Variants in NKAIN2 observed in about 807,000 individuals in gnomAD.
NKAIN2 encodes the protein sodium/potassium-transporting ATPase subunit beta-1-interacting protein 2.
A neutral mutation model predicts 32.6 loss-of-function variants in NKAIN2; 14 were observed. That is an observed-to-expected ratio of 0.43 (90% CI 0.28 to 0.67). NKAIN2 has a LOEUF of 0.67. Among genes scored for constraint, NKAIN2 ranks in the 30% least tolerant of loss-of-function variants. The probability of loss-of-function intolerance (pLI) is 0.17; values close to 1 mark genes in which losing one functional copy is unlikely to be tolerated. For synonymous variants in NKAIN2, 80 were observed against 87.2 expected (o/e 0.92, Z 0.46); for missense variants, 198 against 258.3 (o/e 0.77, Z 1.60).
At chr6:124,261,267 T>C (rs1388031214) in intron 1 of NKAIN2, among the ~76,000 whole-genome samples, 1 of 152,170 alleles carries the variant, frequency 6.6e-6, no homozygotes, top group East Asian at 1.9e-4. Flanking sequence ...TCTTTTTTAC[T>C]CTCTTTCTTT....
At chr6:124,175,468 C>T (rs946207953) in intron 1 of NKAIN2, among the ~76,000 whole-genome samples, 8 of 152,106 alleles carry the variant, frequency 5.3e-5, no homozygotes, top group Admixed American at 3.3e-4. Context: ...AAAGTTAAAA[C>T]AAGGGCTTAA....
chr6:124,427,448 G>A (rs954243544), intron 3 of NKAIN2, among the ~76,000 whole-genome samples: 21 of 152,036 alleles, frequency 1.4e-4, no homozygotes, highest in East Asian at 3.9e-4. Context: ...AACTTAAATG[G>A]TATACTTTAA....
At chr6:124,552,557 T>C (rs1780329758) in intron 3 of NKAIN2, among the ~76,000 whole-genome samples, 1 of 152,180 alleles carries the variant, frequency 6.6e-6, no homozygotes, top group Non-Finnish European at 1.5e-5. Flanking sequence ...TATTCTCTTA[T>C]ATAAAGGAAT....
intron 1 of NKAIN2, among the ~76,000 whole-genome samples, chr6:124,043,442 C>G (rs1355407597): frequency 6.6e-6 from 1 of 151,978 alleles, no homozygotes; most frequent in African/African-American, 2.4e-5. Context: ...AAGTCCTACC[C>G]TATATGACAG....
At chr6:124,803,526 T>G (rs1196051345) in intron 5 of NKAIN2, among the ~76,000 whole-genome samples, 1 of 152,246 alleles carries the variant, frequency 6.6e-6, no homozygotes, top group Non-Finnish European at 1.5e-5. Flanking sequence ...CCAAAAGGAT[T>G]TGAAATATGG....
At chr6:124,328,456 G>A (rs1402124634) in intron 2 of NKAIN2, among the ~76,000 whole-genome samples, 2 of 152,032 alleles carry the variant, frequency 1.3e-5, no homozygotes, top group Non-Finnish European at 2.9e-5. Flanking sequence ...GAAATTCAGG[G>A]GTCTTTCTCT....
chr6:124,671,823 C>G (rs971661926), intron 4 of NKAIN2, among the ~76,000 whole-genome samples: 5 of 151,774 alleles, frequency 3.3e-5, no homozygotes, highest in Admixed American at 6.6e-5. Flanking sequence ...CCAAAATCAC[C>G]ATTTCATTTT....
At chr6:124,486,546 A>G (rs1382079794) in intron 3 of NKAIN2, among the ~76,000 whole-genome samples, 1 of 152,186 alleles carries the variant, frequency 6.6e-6, no homozygotes, top group African/African-American at 2.4e-5. Context: ...AAGCCAGGCA[A>G]TACAATGATA....
chr6:124,625,738 C>T (rs1479997303), intron 3 of NKAIN2, among the ~76,000 whole-genome samples: 1 of 151,108 alleles, frequency 6.6e-6, no homozygotes, highest in Non-Finnish European at 1.5e-5. Context: ...ATTTTTTGGT[C>T]TTTTACAGAA....
intron 3 of NKAIN2, among the ~76,000 whole-genome samples, chr6:124,478,770 C>T (rs767040657): frequency 1.3e-5 from 2 of 152,088 alleles, no homozygotes; most frequent in Non-Finnish European, 2.9e-5. Flanking sequence ...GATATTCTGC[C>T]CTCAAGGAGA....
chr6:124,737,379 C>T (rs1335642419), intron 4 of NKAIN2, among the ~76,000 whole-genome samples: 1 of 151,808 alleles, frequency 6.6e-6, no homozygotes, highest in Non-Finnish European at 1.5e-5. Context: ...TGAAGAGGGA[C>T]ATGTTTGCTT....
chr6:124,449,319 A>G (rs914462315), intron 3 of NKAIN2, among the ~76,000 whole-genome samples: 2 of 152,126 alleles, frequency 1.3e-5, no homozygotes, highest in Non-Finnish European at 2.9e-5. Context: ...TATTGGAGAC[A>G]TAAAGCAATA....
chr6:124,363,419 T>C (rs761249697), intron 3 of NKAIN2, among the ~76,000 whole-genome samples: 2 of 152,142 alleles, frequency 1.3e-5, no homozygotes, highest in African/African-American at 4.8e-5. Context: ...CCCTGTTGAA[T>C]GCTATTTTTT....
chr6:124,185,226 C>A (rs547960902), intron 1 of NKAIN2, among the ~76,000 whole-genome samples: 2 of 152,146 alleles, frequency 1.3e-5, no homozygotes, highest in African/African-American at 4.8e-5. Context: ...TATTATCGTA[C>A]AGTAGTTTTG....
intron 2 of NKAIN2, among the ~76,000 whole-genome samples, chr6:124,332,341 TCTTA>T (rs1797698350): frequency 6.6e-6 from 1 of 152,078 alleles, no homozygotes; most frequent in Non-Finnish European, 1.5e-5. Flanking sequence ...TGCAGAGCAC[TCTTA>T]CTTGGCCTTC....
chr6:124,179,066 A>C (rs1051652017), intron 1 of NKAIN2, among the ~76,000 whole-genome samples: 1 of 152,254 alleles, frequency 6.6e-6, no homozygotes, highest in Non-Finnish European at 1.5e-5. Flanking sequence ...ATTAGCAAAG[A>C]CTTTAAAATT....
At chr6:124,124,657 A>G (rs561999507) in intron 1 of NKAIN2, among the ~76,000 whole-genome samples, 111 of 152,318 alleles carry the variant, frequency 7.3e-4, no homozygotes, top group African/African-American at 2.2e-3. Context: ...AGAATTAAAA[A>G]TAAATAATTA....
chr6:124,769,876 A>G (rs1189494769), intron 4 of NKAIN2, among the ~76,000 whole-genome samples: 2 of 152,180 alleles, frequency 1.3e-5, no homozygotes, highest in Non-Finnish European at 2.9e-5. Context: ...AGCACACTCT[A>G]TATTGACATT....
At chr6:124,773,689 C>T (rs1778860245) in intron 4 of NKAIN2, among the ~76,000 whole-genome samples, 1 of 152,112 alleles carries the variant, frequency 6.6e-6, no homozygotes, top group Non-Finnish European at 1.5e-5. Flanking sequence ...CCCAGGTTAA[C>T]CACATTAACT....
Sources: allele counts gnomAD v4.1 joint callset (sites outside exome capture counted in the v4.1 genomes callset), GRCh38; gene constraint gnomAD v4.1.1; transcripts MANE v1.5; gene names NCBI Gene and HGNC (gene_info 2026-07-23, HGNC 2026-07-21).